ROBO1: variants seen among roughly 807,000 people sequenced by gnomAD.
ROBO1 encodes roundabout homolog 1.
A neutral mutation model predicts 195.9 loss-of-function variants in ROBO1; 149 were observed. The observed-to-expected ratio is 0.76, with a 90% CI of 0.67 to 0.87. The LOEUF (loss-of-function observed/expected upper bound fraction) is 0.87, where lower values mean the gene tolerates loss of function less well. ROBO1 is among the 40% of genes least tolerant of loss of function. ROBO1 has a pLI of 0.00. For synonymous variants in ROBO1, 816 were observed against 733.2 expected, an observed-to-expected ratio of 1.11 and a Z score of -1.82; for missense variants, 1,933 against 2,068.3, an observed-to-expected ratio of 0.93 and a Z score of 1.27.
rs141469831 is a variant in ROBO1, at chr3:78,712,302, G to A, written c.1045+2095C>T. Among the ~76,000 whole-genome samples the A allele has an allele frequency of 1.8e-3, 277 of 152,096 alleles. 2 individuals carry two copies. Among genetic ancestry groups the A allele is most frequent in the Admixed American group, 0.012 (178 of 15,274 alleles). ...TAAAAATGAGCTATACACAAAACAC[G>A]GAAAGTTTTTTAACAATACAATTAC... On this transcript the variant is annotated intron_variant, in intron 8 of 30. Coordinates refer to ENST00000464233, the MANE Select transcript of ROBO1 (RefSeq NM_002941.4).
chr3:78,965,216 C>T (rs956739741), intron 3 of ROBO1, among the ~76,000 whole-genome samples: 2 of 151,896 alleles, frequency 1.3e-5, no homozygotes, highest in Non-Finnish European at 2.9e-5. Flanking sequence ...AAACAATTTC[C>T]CTTGATAATT....
intron 1 of ROBO1, among the ~76,000 whole-genome samples, chr3:79,741,371 A>G (rs1703641940): frequency 6.6e-6 from 1 of 152,038 alleles, no homozygotes; most frequent in Non-Finnish European, 1.5e-5. Flanking sequence ...CAGTCTATAT[A>G]TATCTTTGTT....
chr3:79,510,014 C>A (rs921089300), intron 2 of ROBO1, among the ~76,000 whole-genome samples: 45 of 151,178 alleles, frequency 3.0e-4, no homozygotes, highest in African/African-American at 9.4e-4. Context: ...AAAAAAAAAA[C>A]CAACCATTCA....
At chr3:79,641,221 C>G (rs768588826) in intron 1 of ROBO1, among the ~76,000 whole-genome samples, 1 of 152,216 alleles carries the variant, frequency 6.6e-6, no homozygotes, top group African/African-American at 2.4e-5. Context: ...TCCTGCCGCT[C>G]AGAATGCCCT....
At chr3:79,172,462 G>T in intron 2 of ROBO1, among the ~76,000 whole-genome samples, 1 of 152,040 alleles carries the variant, frequency 6.6e-6, no homozygotes, top group South Asian at 2.1e-4. Flanking sequence ...GCTCTTCCTG[G>T]ATTGCCCGTG....
intron 29 of ROBO1, among the ~76,000 whole-genome samples, chr3:78,605,528 T>G (rs766377656): frequency 1.3e-4 from 20 of 152,224 alleles, no homozygotes; most frequent in Non-Finnish European, 2.8e-4. Flanking sequence ...TGATAAATAG[T>G]TACCGGCATT....
intron 1 of ROBO1, among the ~76,000 whole-genome samples, chr3:79,740,240 T>A (rs911754304): frequency 4.3e-4 from 62 of 145,228 alleles, no homozygotes; most frequent in Admixed American, 9.6e-4. Context: ...TATATAAATA[T>A]ATATATATAT....
intron 2 of ROBO1, among the ~76,000 whole-genome samples, chr3:79,560,161 T>C (rs1942856987): frequency 6.6e-6 from 1 of 151,908 alleles, no homozygotes; most frequent in African/African-American, 2.4e-5. Context: ...CCATTAGAAA[T>C]ACTTGCCACA....
At chr3:78,601,487 T>C (rs1165454243) in intron 29 of ROBO1, among the ~76,000 whole-genome samples, 1 of 152,184 alleles carries the variant, frequency 6.6e-6, no homozygotes, top group African/African-American at 2.4e-5. Context: ...TTTCTGCAGC[T>C]TCTCTTCATA....
At chr3:78,710,204 G>A (rs780407941) in intron 8 of ROBO1, among the ~76,000 whole-genome samples, 5 of 152,020 alleles carry the variant, frequency 3.3e-5, no homozygotes, top group Non-Finnish European at 7.4e-5. Flanking sequence ...CATGTCGCTG[G>A]GACTACAGGT....
At chr3:79,249,014 A>T (rs1159994493) in intron 2 of ROBO1, among the ~76,000 whole-genome samples, 2 of 152,356 alleles carry the variant, frequency 1.3e-5, no homozygotes, top group Non-Finnish European at 2.9e-5. Flanking sequence ...TGAAGTTTAC[A>T]TGTATATCAA....
intron 2 of ROBO1, among the ~76,000 whole-genome samples, chr3:79,169,924 A>C (rs1166713619): frequency 6.6e-6 from 1 of 152,182 alleles, no homozygotes; most frequent in Non-Finnish European, 1.5e-5. Context: ...TTTTATAAAC[A>C]TTTGAACATT....
At chr3:79,205,631 T>TA (rs2081853632) in intron 2 of ROBO1, among the ~76,000 whole-genome samples, 1 of 152,170 alleles carries the variant, frequency 6.6e-6, no homozygotes, top group Non-Finnish European at 1.5e-5. Flanking sequence ...TGCAGGGCAC[T>TA]ACCTGCTCAG....
At chr3:78,816,930 C>T (rs72894460) in intron 4 of ROBO1, among the ~76,000 whole-genome samples, 4,632 of 152,016 alleles carry the variant, frequency 0.03, 186 homozygotes, top group African/African-American at 0.096. Flanking sequence ...CACATGTATA[C>T]ATGTGTGACT....
intron 1 of ROBO1, among the ~76,000 whole-genome samples, chr3:79,762,709 G>T (rs1704777755): frequency 6.6e-6 from 1 of 151,942 alleles, no homozygotes; most frequent in Non-Finnish European, 1.5e-5. Context: ...TAATTCTGAA[G>T]ACTGAAAAGA....
chr3:79,124,215 T>A (rs1410520405), intron 3 of ROBO1, among the ~76,000 whole-genome samples: 1 of 152,086 alleles, frequency 6.6e-6, no homozygotes, highest in Non-Finnish European at 1.5e-5. Context: ...CCCACCCCCA[T>A]AGACTTTCAT....
intron 1 of ROBO1, among the ~76,000 whole-genome samples, chr3:79,746,401 T>C (rs752225508): frequency 2.6e-5 from 4 of 152,084 alleles, no homozygotes; most frequent in Non-Finnish European, 5.9e-5. Context: ...GTGGCCACTT[T>C]ACTGATACAG....
chr3:78,766,959 G>A (rs1238230246), intron 4 of ROBO1, among the ~76,000 whole-genome samples: 1 of 152,124 alleles, frequency 6.6e-6, no homozygotes, highest in Non-Finnish European at 1.5e-5. Flanking sequence ...TGCTTCCCTG[G>A]TATGAAACCC....
rs74500171 is a variant in ROBO1, at chr3:79,719,532, T to C, written c.-51+48220A>G. Among the ~76,000 whole-genome samples the C allele has an allele frequency of 3.1e-3, 479 of 152,258 alleles. 2 individuals carry two copies. Among genetic ancestry groups the C allele is most frequent in the African/African-American group, 0.011 (450 of 41,570 alleles). ...AGAACGTCTTCTTATAATGCTAAAATAAAAGCATTATCCAATGTTGGTGGG... is the reference window on the plus strand; with the variant it reads ...AGAACGTCTTCTTATAATGCTAAAACAAAAGCATTATCCAATGTTGGTGGG... On this transcript the variant is annotated intron_variant, in intron 1 of 30. Coordinates refer to ENST00000464233, the MANE Select transcript of ROBO1 (RefSeq NM_002941.4).
Sources: gnomAD v4.1 joint callset for allele counts (sites outside exome capture counted in the v4.1 genomes callset) on GRCh38, gnomAD v4.1.1 for gene constraint, MANE v1.5 for transcripts, NCBI Gene and HGNC (gene_info 2026-07-23, HGNC 2026-07-21) for gene names.